NDRG4: variants seen among roughly 807,000 people sequenced by gnomAD.
The protein encoded by NDRG4 is NDRG family member 4, also known as protein NDRG4.
NDRG4 carries 38 observed loss-of-function variants against 55.8 expected under a neutral mutation model. The ratio of observed to expected loss-of-function variants is 0.68; its 90% CI spans 0.53 to 0.89. The LOEUF is 0.89. NDRG4 is among the 40% of genes least tolerant of loss of function. The pLI is 0.00. For synonymous variants in NDRG4, 190 were observed against 182.7 expected, an observed-to-expected ratio of 1.04 and a Z score of -0.32; for missense variants, 455 against 468.6, an observed-to-expected ratio of 0.97 and a Z score of 0.27.
intron 1 of NDRG4, chr16:58,500,663 G>GT: frequency 4.3e-6 from 2 of 464,406 alleles, no homozygotes; most frequent in Non-Finnish European, 7.6e-6. Flanking sequence ...GTCTGCCTTG[G>GT]TGATGCCTGG....
chr16:58,465,866 G>A (rs928063400), intron 1 of NDRG4, among the ~76,000 whole-genome samples: 6 of 152,196 alleles, frequency 3.9e-5, no homozygotes, highest in South Asian at 2.1e-4. Flanking sequence ...AGTTAGCCAC[G>A]GGGCTGGCAC....
rs1295660835 is a variant in NDRG4 at position 58,508,856 on chromosome 16, C to T, written c.730-106C>T. 3.9e-6 allele frequency: 5 copies of T among 1,269,816 alleles called. No individual in the cohort carries two copies. The African/African-American group carries it at 7.3e-5, about 19-fold the overall frequency. 78.7% of individuals were successfully genotyped at this position (1,269,816 alleles called of 1,614,324 possible). The stretch of plus-strand genomic sequence containing the variant: ...TCACAGCTGCTGGGCCTCCCTCTGC[C>T]TCCCTGCACCCCCTCTCCTCCCCGA... On this transcript the variant is annotated intron_variant, in intron 10 of 14. Transcript: ENST00000570248.
intron 1 of NDRG4, among the ~76,000 whole-genome samples, chr16:58,481,457 C>CGT (rs985723344): frequency 1.6e-4 from 24 of 151,886 alleles, no homozygotes; most frequent in South Asian, 8.3e-4. Flanking sequence ...GGGGTGCGTG[C>CGT]GTGTGTGTGT....
chr16:58,465,371 C>T (rs2151527684), intron 1 of NDRG4: 1 of 357,890 alleles, frequency 2.8e-6, no homozygotes, highest in South Asian at 2.0e-5. Flanking sequence ...GCTCAGGAAA[C>T]GGTGGAATCC....
At chr16:58,491,815 C>T (rs115076712) in intron 2 of NDRG4, among the ~76,000 whole-genome samples, 5,325 of 152,200 alleles carry the variant, frequency 0.035, 304 homozygotes, top group African/African-American at 0.12. Context: ...GGCTCTGGCA[C>T]CCAGGCTAGA....
At chr16:58,465,743 T>A (rs1356982981) in intron 1 of NDRG4, among the ~76,000 whole-genome samples, 2 of 151,942 alleles carry the variant, frequency 1.3e-5, no homozygotes, top group Admixed American at 6.6e-5. Flanking sequence ...TACAAAAAAA[T>A]AAATAAATAA....
At chr16:58,513,897 G>T (rs1195500468), downstream of NDRG4, among the ~76,000 whole-genome samples, 1 of 152,204 alleles carries the variant, frequency 6.6e-6, no homozygotes, top group Non-Finnish European at 1.5e-5. Flanking sequence ...GGCAGAGGTG[G>T]TAGTGAGTGG....
intron 13 of NDRG4, 114 bp from the exon 14 acceptor site, chr16:58,510,531 C>T: frequency 1.1e-6 from 1 of 902,794 alleles, no homozygotes; most frequent in Non-Finnish European, 1.7e-6. Context: ...TGTGCCTGTC[C>T]TTTGTCCCAT....
In NDRG4 at chr16:58,513,272, A is replaced by G. The variant is rs943232654; in HGVS notation, c.*1696A>G. The G allele has an allele frequency of 6.6e-6, 1 of 151,076 alleles. No individual in the cohort carries two copies. The highest frequency in any genetic ancestry group is 1.5e-5 in the Non-Finnish European group (1 of 67,816). 9.4% of individuals were successfully genotyped at this position (151,076 alleles called of 1,614,324 possible). A position where few individuals can be genotyped will look rare whatever the true frequency, so the allele number is the denominator to read the frequency against. ...TCAAGGTGAACTTTTAATGTTTATT[A>G]TTTTCTTCTCCGCACAAAGTAAAGA... On this transcript the variant is annotated 3_prime_UTR_variant, in exon 15 of 15. Coordinates refer to ENST00000570248, the MANE Select transcript of NDRG4 (RefSeq NM_001242835.2).
intron 13 of NDRG4, among the ~76,000 whole-genome samples, chr16:58,509,666 G>T (rs1213793427): frequency 6.6e-6 from 1 of 152,154 alleles, no homozygotes; most frequent in Non-Finnish European, 1.5e-5. Context: ...CCAGGGCCAG[G>T]GGCCGTGTCC....
intron 1 of NDRG4, chr16:58,465,313 C>T (rs2031382727): frequency 2.3e-6 from 1 of 427,210 alleles, no homozygotes. Context: ...GGGAGCAGAG[C>T]CCCGGAGCCC....
intron 2 of NDRG4, among the ~76,000 whole-genome samples, chr16:58,488,515 C>G (rs2035400027): frequency 6.6e-6 from 1 of 152,150 alleles, no homozygotes; most frequent in African/African-American, 2.4e-5. Flanking sequence ...GGGTTCCCTG[C>G]TTGTTGGATT....
chr16:58,511,701 A>C lies in NDRG4; in HGVS notation c.*125A>C. On this transcript the variant is annotated 3_prime_UTR_variant, in exon 15 of 15. Transcript: ENST00000570248. ...GGAAATGGGGTTCTGTTTGAAAAAAATGAGGGGATCTTAGATGCTGCAGCA... is the reference window on the plus strand; with the variant it reads ...GGAAATGGGGTTCTGTTTGAAAAAACTGAGGGGATCTTAGATGCTGCAGCA... 1 of 1,182,776 alleles carries C rather than the reference A, an allele frequency of 8.5e-7. No individual in the cohort carries two copies. Among genetic ancestry groups the C allele is most frequent in the South Asian group, 1.3e-5 (1 of 79,234 alleles). 73.3% of individuals were successfully genotyped at this position (1,182,776 alleles called of 1,614,324 possible).
intron 1 of NDRG4, among the ~76,000 whole-genome samples, chr16:58,467,336 C>A (rs2031886512): frequency 6.6e-6 from 1 of 152,116 alleles, no homozygotes; most frequent in South Asian, 2.1e-4. Flanking sequence ...GTGAAACCCC[C>A]ATCTCTACTA....
At chr16:58,474,906 A>C (rs1392684766) in intron 1 of NDRG4, among the ~76,000 whole-genome samples, 2 of 152,230 alleles carry the variant, frequency 1.3e-5, no homozygotes, top group African/African-American at 4.8e-5. Flanking sequence ...TTCTGCAGAC[A>C]TTGCATTTGA....
intron 1 of NDRG4, among the ~76,000 whole-genome samples, chr16:58,502,539 C>G (rs1449940630): frequency 6.6e-6 from 1 of 152,244 alleles, no homozygotes; most frequent in Non-Finnish European, 1.5e-5. Flanking sequence ...TCCTCTGAGA[C>G]CAGACCCACT....
intron 1 of NDRG4, 46 bp from the exon 2 acceptor site, chr16:58,503,752 A>G (rs1354639417): frequency 6.2e-7 from 1 of 1,611,948 alleles, no homozygotes; most frequent in Non-Finnish European, 8.5e-7. Flanking sequence ...AGAGGAGCCA[A>G]GAGCGGAGGC....
At position 58,479,815 on chromosome 16, in the gene NDRG4, C is replaced by G. The variant is rs546844162; in HGVS notation, c.-23-7941C>G. On this transcript the variant is annotated intron_variant, in intron 1 of 15. Transcript: ENST00000258187. Reference sequence around the variant, plus strand: ...GCAATGGTCTGAGCAGGTCATGTTGCTCATTGTTTCACGTGCATTTCTCTG... The same window carrying G: ...GCAATGGTCTGAGCAGGTCATGTTGGTCATTGTTTCACGTGCATTTCTCTG... Among the ~76,000 whole-genome samples, 10 of 152,318 alleles carry G rather than the reference C, an allele frequency of 6.6e-5. No individual in the cohort carries two copies. The South Asian group carries it at 2.1e-3, about 32-fold the overall frequency.
chr16:58,503,636 C>T, intron 1 of NDRG4, 162 bp from the exon 2 acceptor site: 1 of 1,384,602 alleles, frequency 7.2e-7, no homozygotes. Flanking sequence ...GTGTTCCATC[C>T]ATTCAGTCCT....
Sources: allele counts gnomAD v4.1 joint callset (sites outside exome capture counted in the v4.1 genomes callset), GRCh38; gene constraint gnomAD v4.1.1; transcripts MANE v1.5; gene names NCBI Gene and HGNC (gene_info 2026-07-23, HGNC 2026-07-21).